Variants in ENTREP2 observed in about 807,000 individuals in gnomAD.
The protein encoded by ENTREP2 is protein ENTREP2.
At chr15:29,644,103 CAAG>C in the ENTREP2 span, among the ~76,000 whole-genome samples, 1 of 152,000 alleles carries the variant, frequency 6.6e-6, no homozygotes, top group African/African-American at 2.4e-5. Context: ...TATCATTTGT[CAAG>C]AAGAATAAAT....
At chr15:29,414,247 A>G in the ENTREP2 span, among the ~76,000 whole-genome samples, 1 of 152,210 alleles carries the variant, frequency 6.6e-6, no homozygotes, top group Admixed American at 6.5e-5. Context: ...ACATAGTTGG[A>G]AGTAAAGCAC....
the ENTREP2 span, among the ~76,000 whole-genome samples, chr15:29,632,399 T>A: frequency 3.5e-3 from 537 of 152,314 alleles, 5 homozygotes; most frequent in African/African-American, 0.012. Flanking sequence ...AACTCCTGGA[T>A]TTTTTTCCTC....
chr15:29,399,711 CCAAT>C, the ENTREP2 span, among the ~76,000 whole-genome samples: 4 of 152,250 alleles, frequency 2.6e-5, no homozygotes, highest in Non-Finnish European at 5.9e-5. Flanking sequence ...GGAAGTCTTA[CCAAT>C]CAGATAAACA....
chr15:29,438,368 G>A, the ENTREP2 span, among the ~76,000 whole-genome samples: 26 of 152,328 alleles, frequency 1.7e-4, no homozygotes, highest in African/African-American at 4.6e-4. Context: ...TGTGCAAAAC[G>A]AAAGCAGAGC....
At chr15:29,428,645 C>T in the ENTREP2 span, among the ~76,000 whole-genome samples, 3 of 152,126 alleles carry the variant, frequency 2.0e-5, no homozygotes, top group Non-Finnish European at 4.4e-5. Context: ...CCTCTTAGTA[C>T]ATGCCCAAAT....
the ENTREP2 span, among the ~76,000 whole-genome samples, chr15:29,221,755 CAGAA>C: frequency 6.6e-6 from 1 of 151,938 alleles, no homozygotes; most frequent in Non-Finnish European, 1.5e-5. Context: ...ACTTTGCTGA[CAGAA>C]AGGGAGAAAG....
chr15:29,146,800 T>A, the ENTREP2 span, among the ~76,000 whole-genome samples: 1 of 152,038 alleles, frequency 6.6e-6, no homozygotes, highest in Non-Finnish European at 1.5e-5. Flanking sequence ...CCTGGGGTGG[T>A]GGCACACGCT....
the ENTREP2 span, among the ~76,000 whole-genome samples, chr15:29,302,253 C>T: frequency 1.3e-5 from 2 of 152,084 alleles, no homozygotes; most frequent in Admixed American, 1.3e-4. Context: ...TTAAAAAATG[C>T]ATACCAAGAT....
the ENTREP2 span, among the ~76,000 whole-genome samples, chr15:29,657,203 A>C: frequency 1.4e-5 from 2 of 147,448 alleles, no homozygotes; most frequent in African/African-American, 5.0e-5. Flanking sequence ...GCCCACCACC[A>C]CGCCGCGCCA....
At chr15:29,451,697 C>T in the ENTREP2 span, among the ~76,000 whole-genome samples, 5 of 152,188 alleles carry the variant, frequency 3.3e-5, no homozygotes, top group Non-Finnish European at 5.9e-5. Flanking sequence ...GCCCCCTCCC[C>T]ACCGGAACCT....
chr15:29,547,005 C>T, the ENTREP2 span, among the ~76,000 whole-genome samples: 338 of 150,260 alleles, frequency 2.2e-3, no homozygotes, highest in Non-Finnish European at 4.1e-3. Context: ...ATAAAGAAGA[C>T]AGGTAAAGAG....
chr15:29,411,378 G>A, the ENTREP2 span, among the ~76,000 whole-genome samples: 1 of 151,764 alleles, frequency 6.6e-6, no homozygotes, highest in South Asian at 2.1e-4. Context: ...CTTCTTAATT[G>A]AGGCCAATCT....
At chr15:29,479,084 G>C in the ENTREP2 span, among the ~76,000 whole-genome samples, 1 of 147,560 alleles carries the variant, frequency 6.8e-6, no homozygotes, top group African/African-American at 2.5e-5. Context: ...GCGGGCGCCT[G>C]TAGTCCCAGC....
the ENTREP2 span, among the ~76,000 whole-genome samples, chr15:29,574,804 G>A: frequency 6.6e-6 from 1 of 152,140 alleles, no homozygotes; most frequent in Non-Finnish European, 1.5e-5. Flanking sequence ...CCTCTCTTAC[G>A]CAGTAGAGAG....
chr15:29,336,215 G>A, the ENTREP2 span, among the ~76,000 whole-genome samples: 1 of 151,800 alleles, frequency 6.6e-6, no homozygotes, highest in Non-Finnish European at 1.5e-5. Context: ...TCCAAACTGT[G>A]AGTTCACAGC....
At chr15:29,310,424 G>C in the ENTREP2 span, among the ~76,000 whole-genome samples, 1 of 152,180 alleles carries the variant, frequency 6.6e-6, no homozygotes, top group Admixed American at 6.5e-5. Context: ...TCGGTCAAGG[G>C]GACATCTCTA....
At chr15:29,526,703 A>G in the ENTREP2 span, among the ~76,000 whole-genome samples, 1 of 151,448 alleles carries the variant, frequency 6.6e-6, no homozygotes, top group Non-Finnish European at 1.5e-5. Context: ...CTCCTGGGCC[A>G]TAGCAATCCT....
chr15:29,475,778 T>C, the ENTREP2 span, among the ~76,000 whole-genome samples: 4 of 152,170 alleles, frequency 2.6e-5, no homozygotes, highest in Non-Finnish European at 5.9e-5. Context: ...CCAGCCCTAA[T>C]GTCCACTCTC....
At chr15:29,464,735 G>C in the ENTREP2 span, among the ~76,000 whole-genome samples, 1 of 152,156 alleles carries the variant, frequency 6.6e-6, no homozygotes, top group African/African-American at 2.4e-5. Context: ...CCTGGGCAGG[G>C]GGCAGCGAGG....
Sources: allele counts gnomAD v4.1 joint callset (sites outside exome capture counted in the v4.1 genomes callset), GRCh38; gene constraint gnomAD v4.1.1; transcripts MANE v1.5; gene names NCBI Gene and HGNC (gene_info 2026-07-23, HGNC 2026-07-21).